The following CCDC144A variants were observed in gnomAD, a reference collection of about 807,000 sequenced individuals.
CCDC144A encodes the protein coiled-coil domain-containing protein 144A.
Under a neutral mutation model 143.8 loss-of-function variants are expected in CCDC144A, and 41 were observed. The ratio of observed to expected loss-of-function variants is 0.29; its 90% CI spans 0.22 to 0.37. CCDC144A has a LOEUF of 0.37. Ranked by LOEUF, CCDC144A falls within the 10% of genes least tolerant of loss-of-function variation. CCDC144A has a pLI of 1.00. For missense variants in CCDC144A, 637 were observed against 1,488.8 expected, an observed-to-expected ratio of 0.43 and a Z score of 9.41; for synonymous variants, 242 against 517.9, an observed-to-expected ratio of 0.47 and a Z score of 7.23.
chr17:16,690,638 G>T lies in CCDC144A; in HGVS notation c.238G>T (p.Asp80Tyr). The T allele has an allele frequency of 6.2e-7, 1 of 1,613,858 alleles. No homozygotes were observed. The highest frequency in any genetic ancestry group is 1.3e-5 in the African/African-American group (1 of 75,066). Residue 80 changes from aspartate (D) to tyrosine (Y), a missense_variant, in exon 1 of 17, where the codon GAT (aspartate) becomes TAT (tyrosine). Asp to Tyr is a radical substitution (Grantham distance 160). Transcript: ENST00000399273. ...DQPQHDVRLE[D>Y]LGELHRAARS... is the part of the protein sequence containing the mutation. ...GCCCCAGCACGACGTCCGCCTGGAA[G>T]ATCTTGGCGAGCTCCACAGAGCTGC...
intron 12 of CCDC144A, among the ~76,000 whole-genome samples, chr17:16,755,596 G>A (rs1915040977): frequency 6.6e-6 from 1 of 152,170 alleles, no homozygotes; most frequent in Non-Finnish European, 1.5e-5. Context: ...GTCTCACTCT[G>A]TTGCCCTGGC....
intron 12 of CCDC144A, among the ~76,000 whole-genome samples, chr17:16,753,434 T>TGTTGTTGTTGTTGTTGTTG (rs1307923345): frequency 2.0e-4 from 24 of 118,542 alleles, no homozygotes; most frequent in African/African-American, 8.4e-4. Context: ...TGTAGTTTTT[T>TGTTGTTGTTGTTGTTGTTG]TTTTTTTTTT....
At chr17:16,701,733 T>C (rs972968639) in intron 2 of CCDC144A, among the ~76,000 whole-genome samples, 35 of 151,826 alleles carry the variant, frequency 2.3e-4, no homozygotes, top group Non-Finnish European at 1.6e-4. Context: ...TCTGATGGCA[T>C]ATGATTTGAC....
chr17:16,691,535 G>A (rs1911072297), intron 1 of CCDC144A, among the ~76,000 whole-genome samples: 1 of 151,896 alleles, frequency 6.6e-6, no homozygotes, highest in African/African-American at 2.4e-5. Context: ...GCTAAGGTGG[G>A]CGGATCACGA....
intron 5 of CCDC144A, 147 bp downstream of exon 5, chr17:16,709,782 A>G: frequency 8.1e-7 from 1 of 1,232,990 alleles, no homozygotes; most frequent in East Asian, 2.6e-5. Flanking sequence ...TTTCTAAGTA[A>G]TAGGAGTTTA....
At chr17:16,680,207 T>A in the CCDC144A span, among the ~76,000 whole-genome samples, 4 of 151,914 alleles carry the variant, frequency 2.6e-5, no homozygotes, top group Non-Finnish European at 4.4e-5. Flanking sequence ...GGTGGGAGGA[T>A]CACTTAAGTC....
the CCDC144A span, among the ~76,000 whole-genome samples, chr17:16,680,637 AAGGG>A: frequency 1.4e-5 from 2 of 138,200 alleles, no homozygotes; most frequent in Non-Finnish European, 3.1e-5. Context: ...GGAAGGAAGA[AAGGG>A]AGGGAGGGAG....
At chr17:16,707,738 A>G (rs1271286982) in intron 4 of CCDC144A, among the ~76,000 whole-genome samples, 196 bp downstream of exon 4, 4 of 152,160 alleles carry the variant, frequency 2.6e-5, no homozygotes, top group Non-Finnish European at 4.4e-5. Flanking sequence ...ATCATAACTT[A>G]TAGTTAATCT....
rs555626155 is a variant in CCDC144A, at chr17:16,713,793, A to G, written c.1715+1978A>G. Among the ~76,000 whole-genome samples, 19 of 152,350 alleles carry G rather than the reference A, an allele frequency of 1.2e-4. No individual in the cohort carries two copies. The South Asian group carries it at 3.3e-3, about 27-fold the overall frequency. On this transcript the variant is annotated intron_variant, in intron 6 of 16. Transcript: ENST00000399273. ...TAAAAATATAGTATATAGTTATATA[A>G]GAATTGAAAAATACAGCTAAACAAG...
At chr17:16,682,883 G>GTTTTTTTTTTTTT in the CCDC144A span, among the ~76,000 whole-genome samples, 40 of 46,448 alleles carry the variant, frequency 8.6e-4, 15 homozygotes, top group East Asian at 1.8e-3. Flanking sequence ...TGGATTCTCT[G>GTTTTTTTTTTTTT]TTTTTTTTTT....
chr17:16,729,251 A>G (rs1211446029), intron 9 of CCDC144A, among the ~76,000 whole-genome samples: 4 of 152,074 alleles, frequency 2.6e-5, no homozygotes, highest in African/African-American at 9.7e-5. Flanking sequence ...ACCAACATCT[A>G]TTGTTTTTTG....
chr17:16,711,136 G>GAAAAAAAAAAAAA (rs1210697273), intron 5 of CCDC144A, among the ~76,000 whole-genome samples: 9 of 21,772 alleles, frequency 4.1e-4, no homozygotes, highest in African/African-American at 7.0e-4. Flanking sequence ...GGATTCAAAT[G>GAAAAAAAAAAAAA]AAAAAAAAAA....
At chr17:16,754,319 C>T (rs548659545) in intron 12 of CCDC144A, among the ~76,000 whole-genome samples, 1,940 of 152,016 alleles carry the variant, frequency 0.013, 30 homozygotes, top group African/African-American at 0.044. Flanking sequence ...TCTGTTCTTG[C>T]TTTTTTGGTT....
At chr17:16,729,989 T>TATATATATATATATATAC (rs1567597673) in intron 9 of CCDC144A, among the ~76,000 whole-genome samples, 3 of 121,156 alleles carry the variant, frequency 2.5e-5, no homozygotes, top group African/African-American at 9.0e-5. Flanking sequence ...TATATATATA[T>TATATATATATATATATAC]ATACACACAT....
At chr17:16,743,109 C>T (rs1322967236) in intron 12 of CCDC144A, among the ~76,000 whole-genome samples, 2 of 151,908 alleles carry the variant, frequency 1.3e-5, no homozygotes, top group African/African-American at 2.4e-5. Flanking sequence ...GTTTTTATAC[C>T]TGTGCTTTTT....
chr17:16,732,713 T>G, intron 11 of CCDC144A, 47 bp downstream of exon 11: 3 of 1,464,122 alleles, frequency 2.0e-6, no homozygotes, highest in Admixed American at 5.2e-5. Flanking sequence ...TGTGAATATA[T>G]TTTTAAAAAA....
the CCDC144A span, among the ~76,000 whole-genome samples, chr17:16,667,603 G>GTGAA: frequency 2.0e-5 from 3 of 151,894 alleles, no homozygotes; most frequent in Non-Finnish European, 4.4e-5. Flanking sequence ...TTTTCTCACT[G>GTGAA]TGAACCTCGT....
chr17:16,748,967 C>A (rs989261016), intron 12 of CCDC144A, among the ~76,000 whole-genome samples: 3 of 142,260 alleles, frequency 2.1e-5, no homozygotes, highest in African/African-American at 7.8e-5. Flanking sequence ...TTTAGATGTT[C>A]TCTGTTATTT....
the CCDC144A span, among the ~76,000 whole-genome samples, chr17:16,680,403 G>T: frequency 3.9e-5 from 6 of 152,014 alleles, no homozygotes; most frequent in Non-Finnish European, 8.8e-5. Flanking sequence ...AGATGGTAAA[G>T]ATTTAATTTT....
Sources: gnomAD v4.1 joint callset for allele counts (sites outside exome capture counted in the v4.1 genomes callset) on GRCh38, gnomAD v4.1.1 for gene constraint, MANE v1.5 for transcripts, NCBI Gene and HGNC (gene_info 2026-07-23, HGNC 2026-07-21) for gene names.